The following ELMOD3 variants were observed in gnomAD, a reference collection of about 807,000 sequenced individuals.
The protein encoded by ELMOD3 is ELMO domain-containing protein 3.
A neutral mutation model predicts 47.4 loss-of-function variants in ELMOD3; 36 were observed. That is an observed-to-expected ratio of 0.76 (90% CI 0.58 to 1.00). ELMOD3 has a LOEUF of 1.00. ELMOD3 is among the 50% of genes least tolerant of loss of function. The pLI, the probability that ELMOD3 is intolerant of heterozygous loss-of-function variation, is 0.00. For missense variants in ELMOD3, 404 were observed against 463.8 expected (o/e 0.87, Z 1.18); for synonymous variants, 149 against 183.5 (o/e 0.81, Z 1.52).
At chr2:85,379,759 G>A (rs967394659) in intron 11 of ELMOD3, among the ~76,000 whole-genome samples, 1 of 152,086 alleles carries the variant, frequency 6.6e-6, no homozygotes, top group Non-Finnish European at 1.5e-5. Flanking sequence ...TTTTCACATA[G>A]GCTTTTTTTA....
chr2:85,357,378 G>C, intron 4 of ELMOD3, 126 bp downstream of exon 4: 1 of 535,226 alleles, frequency 1.9e-6, no homozygotes, highest in Non-Finnish European at 3.2e-6. Flanking sequence ...TCTTTGTTCT[G>C]TAAGAAGGAG....
At chr2:85,370,814 A>G (rs1426509853) in intron 8 of ELMOD3, among the ~76,000 whole-genome samples, 3 of 152,228 alleles carry the variant, frequency 2.0e-5, no homozygotes, top group Admixed American at 1.3e-4. Flanking sequence ...TAGTTCTGGA[A>G]AAGCCCAGAG....
chr2:85,368,414 A>G (rs1684552966), intron 6 of ELMOD3: 1 of 437,550 alleles, frequency 2.3e-6, no homozygotes, highest in African/African-American at 2.0e-5. Context: ...CAGCATCAAT[A>G]TGGGGACCAC....
chr2:85,362,700 C>T (rs1573089500), intron 5 of ELMOD3, among the ~76,000 whole-genome samples: 1 of 152,252 alleles, frequency 6.6e-6, no homozygotes, highest in East Asian at 1.9e-4. Context: ...AGGCGGATCA[C>T]TTGAGGTCAG....
Position 85,391,177 on chromosome 2 carries a change from C to T in ELMOD3, c.*215C>T. ...CACCCCCTTCCCGCAGACCTGCCTC[C>T]AGAGCAAGGAGAATTCTGCCTTAAT... is the stretch of plus-strand genomic sequence containing the variant. On this transcript the variant is annotated 3_prime_UTR_variant, in exon 14 of 14. Transcript: ENST00000409013. 7.1e-6 allele frequency: 4 copies of T among 563,398 alleles called. No homozygotes were observed. Among genetic ancestry groups the T allele is most frequent in the Non-Finnish European group, 1.3e-5 (4 of 313,774 alleles). 34.9% of individuals were successfully genotyped at this position (563,398 alleles called of 1,614,324 possible). A position where few individuals can be genotyped will look rare whatever the true frequency, so the allele number is the denominator to read the frequency against.
chr2:85,372,249 G>A (rs985295432), intron 10 of ELMOD3: 1 of 152,194 alleles, frequency 6.6e-6, no homozygotes, highest in African/African-American at 2.4e-5. Context: ...GCTGAGGCAG[G>A]AAAATCACTT....
chr2:85,390,244 G>A lies in ELMOD3; in HGVS notation c.922G>A (p.Asp308Asn), dbSNP rs754957701. ...GAGGACACAGCGGAAGACCATCTCAGACTCGGGCTTTGTCCTCAAAGGTGT... is the reference window on the plus strand; with the variant it reads ...GAGGACACAGCGGAAGACCATCTCAAACTCGGGCTTTGTCCTCAAAGGTGT... ...VWRTQRKTIS[D>N]SGFVLKELEV... Residue 308 changes from aspartate to asparagine, a missense_variant, in exon 13 of 14, where the codon GAC becomes AAC. Transcript: ENST00000409013. 1.2e-6 allele frequency: 2 copies of A among 1,614,076 alleles called. No homozygotes were observed. The highest frequency in any genetic ancestry group is 1.7e-6 in the Non-Finnish European group (2 of 1,180,054).
At position 85,390,256 on chromosome 2, in the gene ELMOD3, G is replaced by A. The variant is rs1420478452; in HGVS notation, c.934G>A (p.Val312Ile). Reference protein sequence around the residue: ...QRKTISDSGFVLKELEVLAKK... With the variant: ...QRKTISDSGFILKELEVLAKK... ...GAAGACCATCTCAGACTCGGGCTTT[G>A]TCCTCAAAGGTGTGCTCTTTCTTCT... Residue 312 changes from valine to isoleucine, a missense_variant, in exon 13 of 14, where the codon GTC becomes ATC. By Grantham distance (29) the Val-to-Ile change is conservative. Coordinates refer to ENST00000409013, the MANE Select transcript of ELMOD3 (RefSeq NM_001135022.2). 1 of 1,614,072 alleles carries A rather than the reference G, an allele frequency of 6.2e-7. No individual in the cohort carries two copies. The highest frequency in any genetic ancestry group is 1.3e-5 in the African/African-American group (1 of 74,914).
rs368317282 is a variant in ELMOD3, at chr2:85,363,077, A to C, written c.130-20A>C. On this transcript the variant is annotated intron_variant, in intron 5 of 13. Transcript: ENST00000409013. ...GTATGTGGATTCTATCCTCAAGCTA[A>C]AGGTCAGCTGCCTCTACAGATCTCA... 51 of 1,553,354 alleles carry C rather than the reference A, an allele frequency of 3.3e-5. No individual in the cohort carries two copies. Among genetic ancestry groups the C allele is most frequent in the Non-Finnish European group, 4.5e-5 (51 of 1,125,578 alleles).
At chr2:85,389,861 C>G in intron 12 of ELMOD3, 34 bp downstream of exon 12, 1 of 1,580,306 alleles carries the variant, frequency 6.3e-7, no homozygotes, top group South Asian at 1.1e-5. Context: ...TTAGAGTGAC[C>G]CAGCAAAGCC....
intron 11 of ELMOD3, among the ~76,000 whole-genome samples, chr2:85,381,141 A>G (rs890744199): frequency 6.6e-6 from 1 of 152,242 alleles, no homozygotes; most frequent in African/African-American, 2.4e-5. Context: ...TTTATACCAA[A>G]TAAGCCAAAT....
chr2:85,366,584 T>C (rs1573099457), intron 6 of ELMOD3, among the ~76,000 whole-genome samples: 2 of 152,176 alleles, frequency 1.3e-5, no homozygotes, highest in South Asian at 2.1e-4. Context: ...AATTACCCCA[T>C]CCTCACAACA....
chr2:85,377,538 A>G, intron 11 of ELMOD3, 64 bp downstream of exon 11: 1 of 1,531,262 alleles, frequency 6.5e-7, no homozygotes, highest in Non-Finnish European at 8.8e-7. Context: ...TGAGTGGCCG[A>G]GAGGGCTCCC....
chr2:85,389,658 G>A (rs750568101), intron 11 of ELMOD3, 93 bp from the exon 12 acceptor site: 22 of 951,432 alleles, frequency 2.3e-5, no homozygotes, highest in Admixed American at 1.3e-4. Flanking sequence ...TGCCTCTGGG[G>A]CTGTGCTTGC....
rs1049052744 is a variant in ELMOD3, at chr2:85,368,700, G to A, written c.214G>A (p.Val72Met). 2 of 1,614,120 alleles carry A rather than the reference G, an allele frequency of 1.2e-6. No individual in the cohort carries two copies. Among genetic ancestry groups the A allele is most frequent in the Admixed American group, 1.7e-5 (1 of 60,022 alleles). ...EWEPRVVSTEVVRAQEEWEAV... is the reference protein window; with the variant it reads ...EWEPRVVSTEMVRAQEEWEAV... ...TACTATTGCAGTTGTGAGTACAGAG[G>A]TGGTCAGAGCCCAAGAAGAATGGGA... is the stretch of plus-strand genomic sequence containing the variant. Residue 72 changes from valine (V) to methionine (M), a missense_variant, in exon 7 of 14, where the codon GTG becomes ATG. Physicochemically the swap from Val to Met is conservative, Grantham distance 21. Coordinates refer to ENST00000409013, the MANE Select transcript of ELMOD3 (RefSeq NM_001135022.2).
intron 4 of ELMOD3, among the ~76,000 whole-genome samples, chr2:85,361,389 CAG>C (rs1174535812): frequency 1.3e-5 from 2 of 152,188 alleles, no homozygotes; most frequent in East Asian, 1.9e-4. Context: ...CCAGATTAAA[CAG>C]AAGTTTTCCT....
intron 4 of ELMOD3, chr2:85,360,779 C>A: frequency 3.9e-6 from 1 of 255,160 alleles, no homozygotes; most frequent in South Asian, 4.9e-5. Context: ...AAGCCCTTTA[C>A]ATTTTTACAT....
At chr2:85,384,126 G>A (rs1340223925) in intron 11 of ELMOD3, among the ~76,000 whole-genome samples, 1 of 152,232 alleles carries the variant, frequency 6.6e-6, no homozygotes, top group South Asian at 2.1e-4. Context: ...CCTTTCCAAA[G>A]GAGGCAATCA....
rs1684785049 is a variant in ELMOD3 at position 85,371,469 on chromosome 2, G to A, written c.514G>A (p.Gly172Ser). The A allele has an allele frequency of 5.6e-6, 9 of 1,614,238 alleles. No homozygotes were observed. Among genetic ancestry groups the A allele is most frequent in the Non-Finnish European group, 5.1e-6 (6 of 1,180,040 alleles). ...CGLDSQDPVH[G>S]RVLQTIYKKL... Reference sequence around the variant, plus strand: ...CCTGGATAGCCAAGACCCAGTGCATGGCCGAGTCCTCCAGACCATCTATAA... The same window carrying A: ...CCTGGATAGCCAAGACCCAGTGCATAGCCGAGTCCTCCAGACCATCTATAA... Residue 172 changes from glycine (G) to serine (S), a missense_variant, in exon 10 of 14, where the codon GGC becomes AGC. Coordinates refer to ENST00000409013, the MANE Select transcript of ELMOD3 (RefSeq NM_001135022.2).
Sources: gnomAD v4.1 joint callset for allele counts (sites outside exome capture counted in the v4.1 genomes callset) on GRCh38, gnomAD v4.1.1 for gene constraint, MANE v1.5 for transcripts, NCBI Gene and HGNC (gene_info 2026-07-23, HGNC 2026-07-21) for gene names.